The following JAK1 variants were observed in gnomAD, a reference collection of about 807,000 sequenced individuals.
JAK1 encodes the protein tyrosine-protein kinase JAK1.
A neutral mutation model predicts 136.6 loss-of-function variants in JAK1; 16 were observed. The ratio of observed to expected loss-of-function variants is 0.12; its 90% CI spans 0.08 to 0.18. The LOEUF (loss-of-function observed/expected upper bound fraction) is 0.18. Ranked by LOEUF, JAK1 falls within the 10% of genes least tolerant of loss-of-function variation. The pLI, the probability that JAK1 is intolerant of heterozygous loss-of-function variation, is 1.00. For missense variants in JAK1, 859 were observed against 1,450.1 expected (o/e 0.59, Z 6.62); for synonymous variants, 492 against 519.5 (o/e 0.95, Z 0.72).
intron 1 of JAK1, among the ~76,000 whole-genome samples, chr1:64,914,676 G>A (rs139476107): frequency 0.036 from 5,486 of 152,244 alleles, 374 homozygotes; most frequent in East Asian, 0.31. Flanking sequence ...TGATTCTCCT[G>A]CCTCAGTCTC....
intron 17 of JAK1, 139 bp downstream of exon 17, chr1:64,843,923 TCA>T: frequency 2.3e-6 from 2 of 855,984 alleles, no homozygotes; most frequent in Non-Finnish European, 3.6e-6. Flanking sequence ...ATTTGTGAGG[TCA>T]CACACCCAGT....
At chr1:65,031,891 G>A (rs78492757) in intron 2 of JAK1, among the ~76,000 whole-genome samples, 4,253 of 151,674 alleles carry the variant, frequency 0.028, 206 homozygotes, top group African/African-American at 0.098. Flanking sequence ...TTAAAGAAAT[G>A]TGCTTTGTAT....
chr1:64,974,089 C>T (rs887763493), intron 2 of JAK1: 2 of 152,120 alleles, frequency 1.3e-5, no homozygotes, highest in African/African-American at 2.4e-5. Flanking sequence ...CAAAGTAGAA[C>T]GTTGGTAACT....
chr1:65,056,220 T>G (rs189642451), intron 1 of JAK1, among the ~76,000 whole-genome samples: 31 of 152,346 alleles, frequency 2.0e-4, no homozygotes, highest in Admixed American at 1.7e-3. Flanking sequence ...TCTCTCTAAT[T>G]AATCAAAAAC....
chr1:65,039,741 A>C lies in JAK1; in HGVS notation c.-78+4739T>G, dbSNP rs550066878. 2.0e-5 allele frequency among the ~76,000 whole-genome samples: 3 copies of C among 152,260 alleles called. 1 individual carries two copies. In the South Asian group the frequency reaches 6.2e-4, roughly 32 times the overall value. On this transcript the variant is annotated intron_variant, in intron 2 of 25. Transcript: ENST00000671954. ...GCAGGAAAGGTATTTTTGGATGCTG[A>C]CTGAGCTTCTCCGACACAGCCATTG...
chr1:64,904,415 T>C (rs77123192), intron 1 of JAK1, among the ~76,000 whole-genome samples: 1,833 of 152,292 alleles, frequency 0.012, 29 homozygotes, highest in African/African-American at 0.042. Flanking sequence ...TGAGGGTCCA[T>C]AGTGAAAAAA....
chr1:64,992,647 T>C (rs1334013678), intron 2 of JAK1: 1 of 152,164 alleles, frequency 6.6e-6, no homozygotes, highest in Non-Finnish European at 1.5e-5. Flanking sequence ...CCCAGCACGT[T>C]GGGAGGCCGA....
chr1:65,036,339 G>A (rs1431220164), intron 2 of JAK1, among the ~76,000 whole-genome samples: 1 of 151,984 alleles, frequency 6.6e-6, no homozygotes, highest in Non-Finnish European at 1.5e-5. Context: ...AGAGGCTAAG[G>A]TGGGAGAGTC....
intron 1 of JAK1, among the ~76,000 whole-genome samples, chr1:65,064,104 T>A (rs931754840): frequency 5.3e-5 from 8 of 152,230 alleles, no homozygotes; most frequent in Non-Finnish European, 1.2e-4. Context: ...CAATTCTAAA[T>A]TTTCATCAAA....
intron 1 of JAK1, among the ~76,000 whole-genome samples, chr1:64,939,314 A>C (rs1645846270): frequency 6.6e-6 from 1 of 152,242 alleles, no homozygotes; most frequent in Admixed American, 6.5e-5. Context: ...CCATACAGCT[A>C]GGAACAGCAA....
At chr1:64,941,983 C>A (rs1422638551) in intron 1 of JAK1, 1 of 151,948 alleles carries the variant, frequency 6.6e-6, no homozygotes. Context: ...TTGTTCCTGA[C>A]AAATACAAGA....
At position 64,902,583 on chromosome 1, in the gene JAK1, A is replaced by AGAGAGAGTGT; in HGVS notation, c.-77-16243_-77-16242insACACTCTCTC. Among the ~76,000 whole-genome samples the AGAGAGAGTGT allele has an allele frequency of 7.1e-3, 526 of 73,778 alleles. 3 individuals carry two copies. The highest frequency in any genetic ancestry group is 0.041 in the East Asian group (96 of 2,334). 48.4% of individuals were successfully genotyped at this position (73,778 alleles called of 152,430 possible). A position where few individuals can be genotyped will look rare whatever the true frequency, so the allele number is the denominator to read the frequency against. ...GAGAGAGAGAGAGAGAGAGAGAGAG[A>AGAGAGAGTGT]GTGTGTGTGTGTGTGTGTGTGTGTG... On this transcript the variant is annotated intron_variant, in intron 1 of 24. Transcript: ENST00000342505.
At chr1:65,055,603 G>A (rs1007430406) in intron 1 of JAK1, among the ~76,000 whole-genome samples, 3 of 152,216 alleles carry the variant, frequency 2.0e-5, no homozygotes, top group South Asian at 2.1e-4. Context: ...AAAATGTAAC[G>A]AATATACCAA....
chr1:65,037,150 C>G (rs1356255703), intron 2 of JAK1, among the ~76,000 whole-genome samples: 1 of 152,096 alleles, frequency 6.6e-6, no homozygotes. Context: ...TATGCCACTG[C>G]ACTCCAGCCT....
chr1:64,997,488 TAATA>T (rs1451707976), intron 2 of JAK1, among the ~76,000 whole-genome samples: 2 of 152,110 alleles, frequency 1.3e-5, no homozygotes, highest in African/African-American at 4.8e-5. Flanking sequence ...ACAAATTACT[TAATA>T]AAAGATGTAG....
chr1:64,947,572 A>T (rs1303477866), intron 1 of JAK1, among the ~76,000 whole-genome samples: 3 of 152,118 alleles, frequency 2.0e-5, no homozygotes, highest in African/African-American at 7.2e-5. Flanking sequence ...CTTGGAGTCC[A>T]TGAACCATGG....
chr1:64,894,458 A>G (rs1644983788), intron 1 of JAK1, among the ~76,000 whole-genome samples: 1 of 152,164 alleles, frequency 6.6e-6, no homozygotes, highest in Non-Finnish European at 1.5e-5. Context: ...AAGTTAGGAG[A>G]GAAAACAAAA....
chr1:64,955,832 G>C (rs1242970485), intron 1 of JAK1, among the ~76,000 whole-genome samples: 1 of 151,848 alleles, frequency 6.6e-6, no homozygotes, highest in Non-Finnish European at 1.5e-5. Flanking sequence ...ACCAGGGAGG[G>C]AGCCCTGAAA....
intron 1 of JAK1, among the ~76,000 whole-genome samples, chr1:64,952,086 A>G (rs1184930861): frequency 6.6e-6 from 1 of 152,206 alleles, no homozygotes; most frequent in Admixed American, 6.5e-5. Flanking sequence ...TTTAACACAT[A>G]AAGTATCTGA....
Sources: allele counts gnomAD v4.1 joint callset (sites outside exome capture counted in the v4.1 genomes callset), GRCh38; gene constraint gnomAD v4.1.1; transcripts MANE v1.5; gene names NCBI Gene and HGNC (gene_info 2026-07-23, HGNC 2026-07-21).